Variants in SLC15A3 observed in about 807,000 individuals in gnomAD.
SLC15A3 encodes solute carrier family 15 member 3.
SLC15A3 carries 39 observed loss-of-function variants against 49.2 expected under a neutral mutation model. That is an observed-to-expected ratio of 0.79 (90% CI 0.61 to 1.04). The LOEUF is 1.04. SLC15A3 is among the 50% of genes least tolerant of loss of function. The pLI, the probability that SLC15A3 is intolerant of heterozygous loss-of-function variation, is 0.00. For missense variants in SLC15A3, 758 were observed against 794.8 expected (o/e 0.95, Z 0.56); for synonymous variants, 339 against 367.0 (o/e 0.92, Z 0.87).
rs552824684 is a variant in SLC15A3 at position 60,944,031 on chromosome 11, C to T, written c.849-195G>A. On this transcript the variant is annotated intron_variant, in intron 2 of 7. Coordinates refer to ENST00000227880, the MANE Select transcript of SLC15A3 (RefSeq NM_016582.3). ...AAATTAGCCAGGCTGTTTTGGCGTG[C>T]ACCTGTAGTCCCAGTTATTTGGGAG... Among the ~76,000 whole-genome samples the T allele has an allele frequency of 2.6e-5, 4 of 152,308 alleles. 1 individual carries two copies. The South Asian group carries it at 6.2e-4, about 24-fold the overall frequency.
chr11:60,950,940 C>T (rs1693921542), intron 1 of SLC15A3, 54 bp downstream of exon 1: 2 of 1,386,156 alleles, frequency 1.4e-6, no homozygotes, highest in African/African-American at 1.5e-5. Context: ...GGGGCCAGCC[C>T]TCCTTCCCTC....
At chr11:60,939,757 G>C (rs1311216971) in intron 5 of SLC15A3, 119 bp from the exon 6 acceptor site, 2 of 1,219,530 alleles carry the variant, frequency 1.6e-6, no homozygotes, top group East Asian at 5.0e-5. Context: ...TGAGCAGCAG[G>C]CAAGGAAAAG....
In SLC15A3 at chr11:60,951,656, TG is replaced by T. The variant is rs1490916293; in HGVS notation, c.-106del. On this transcript the variant is annotated 5_prime_UTR_variant, in exon 1 of 8. Coordinates refer to ENST00000227880, the MANE Select transcript of SLC15A3 (RefSeq NM_016582.3). ...GCCTCGGCCCTCTCCCCCACCCAACTGGCTGGCCCTCCTTTCTCACCGCTTT... is the reference window on the plus strand; with the variant it reads ...GCCTCGGCCCTCTCCCCCACCCAACTGCTGGCCCTCCTTTCTCACCGCTTT... 1.3e-5 allele frequency: 11 copies of T among 846,948 alleles called. No homozygotes were observed. Among genetic ancestry groups the T allele is most frequent in the Non-Finnish European group, 1.5e-5 (11 of 718,258 alleles). 52.5% of individuals were successfully genotyped at this position (846,948 alleles called of 1,614,324 possible). A position where few individuals can be genotyped will look rare whatever the true frequency, so the allele number is the denominator to read the frequency against.
In SLC15A3 at chr11:60,943,683, G is replaced by T; in HGVS notation, c.996+6C>A. On this transcript the variant is annotated splice_donor_region_variant and intron_variant, in intron 3 of 7. Transcript: ENST00000227880. ...GCCCCCAGAGAAAAAGGGCAGGTAT[G>T]CTCACCTGGAAGTAGACCATCCAGT... 1 of 1,533,636 alleles carries T rather than the reference G, an allele frequency of 6.5e-7. No homozygotes were observed. Among genetic ancestry groups the T allele is most frequent in the Non-Finnish European group, 8.8e-7 (1 of 1,134,786 alleles).
At position 60,943,706 on chromosome 11, in the gene SLC15A3, A is replaced by G. The variant is rs372172597; in HGVS notation, c.979T>C (p.Trp327Arg). 1.9e-6 allele frequency: 3 copies of G among 1,591,978 alleles called. No homozygotes were observed. Among genetic ancestry groups the G allele is most frequent in the Non-Finnish European group, 2.6e-6 (3 of 1,167,558 alleles). ...LPVMVTLVPY[W>R]MVYFQMQSTY... The stretch of plus-strand genomic sequence containing the variant: ...ATGCTCACCTGGAAGTAGACCATCC[A>G]GTAGGGCACCAGGGTCACCATGACG... Residue 327 changes from tryptophan (W) to arginine (R), a missense_variant, in exon 3 of 8, where the codon TGG becomes CGG. Around this residue, in one of 3 missense-constraint regions of SLC15A3, gnomAD observed 699 missense variants for 706.7 expected, o/e 0.99. Coordinates refer to ENST00000227880, the MANE Select transcript of SLC15A3 (RefSeq NM_016582.3).
At chr11:60,949,483 AGGAAGAAAGAAAGAAAGAAG>A (rs1856861697) in intron 1 of SLC15A3, among the ~76,000 whole-genome samples, 1 of 146,092 alleles carries the variant, frequency 6.8e-6, no homozygotes, top group Non-Finnish European at 1.5e-5. Flanking sequence ...AGAGAAAGAA[AGGAAGAAAGAAAGAAAGAAG>A]GAAAGAAAGA....
chr11:60,951,313 A>G lies in SLC15A3; in HGVS notation c.239T>C (p.Leu80Pro). The change falls in exon 1 of 8, where the codon CTG (leucine) becomes CCG (proline). Residue 80 changes from leucine to proline, a missense_variant. Around this residue, in one of 3 missense-constraint regions of SLC15A3, gnomAD observed 699 missense variants for 706.7 expected, o/e 0.99. Transcript: ENST00000227880. Reference sequence around the variant, plus strand: ...GGGCGCCAGCAGGTAGGAGGCGCCCAGGAATACCAGCGCGGCGCGCGTCGC... The same window carrying G: ...GGGCGCCAGCAGGTAGGAGGCGCCCGGGAATACCAGCGCGGCGCGCGTCGC... ...EQATRAALVF[L>P]GASYLLAPVG... 1 of 1,530,306 alleles carries G rather than the reference A, an allele frequency of 6.5e-7. No individual in the cohort carries two copies. The highest frequency in any genetic ancestry group is 8.8e-7 in the Non-Finnish European group (1 of 1,141,396). The allele number at this position is 1,530,306 out of a possible 1,614,324, so 94.8% of individuals were successfully genotyped here.
chr11:60,946,613 G>C lies in SLC15A3; in HGVS notation c.767C>G (p.Pro256Arg). 1 of 1,613,550 alleles carries C rather than the reference G, an allele frequency of 6.2e-7. No homozygotes were observed. The highest frequency in any genetic ancestry group is 8.5e-7 in the Non-Finnish European group (1 of 1,179,570). ...FATPVFITKP[P>R]MGSQVSSMLK... ...CATAGAGGACACTTGGCTGCCCATC[G>C]GGGGCTTGGTGATGAAGACGGGGGT... Residue 256 changes from proline (P) to arginine (R), a missense_variant, in exon 2 of 8, where the codon CCG becomes CGG. By Grantham distance (103) the Pro-to-Arg change is moderately radical (BLOSUM62 -2). Transcript: ENST00000227880.
At chr11:60,946,453 A>C (rs1239317248) in intron 2 of SLC15A3, 79 bp downstream of exon 2, 1 of 1,467,654 alleles carries the variant, frequency 6.8e-7, no homozygotes, top group South Asian at 1.4e-5. Context: ...AATGTCTGCA[A>C]CCTGGACCAT....
chr11:60,941,896 C>G (rs1856714313), intron 4 of SLC15A3, 139 bp downstream of exon 4: 1 of 812,060 alleles, frequency 1.2e-6, no homozygotes, highest in African/African-American at 1.7e-5. Context: ...TCCTCCCACC[C>G]TCCAGGTGCT....
In SLC15A3 at chr11:60,937,931, G is replaced by T; in HGVS notation, c.1530C>A (p.Gly510=). The change falls in exon 7 of 8, where the codon GGC becomes GGA. Residue 510 remains glycine (G), a synonymous_variant. Coordinates refer to ENST00000227880, the MANE Select transcript of SLC15A3 (RefSeq NM_016582.3). ...FCLSGVGSLL[G]SSLVALLSLP... ...AGGACAGCAGTGCCACTAGGCTGGA[G>T]CCCAACAGTGAGCCCACCCCCGACA... is the stretch of plus-strand genomic sequence containing the variant. 6.2e-7 allele frequency: 1 copy of T among 1,614,196 alleles called. No individual in the cohort carries two copies. The highest frequency in any genetic ancestry group is 8.5e-7 in the Non-Finnish European group (1 of 1,180,006).
chr11:60,945,490 G>A lies in SLC15A3; in HGVS notation c.848+1042C>T, dbSNP rs1373859879. ...GCTCTGGTGTGGTTTGTTAGGCAGC[G>A]ATAGGTAATGAAAACCACCACACTT... On this transcript the variant is annotated intron_variant, in intron 2 of 7. Coordinates refer to ENST00000227880, the MANE Select transcript of SLC15A3 (RefSeq NM_016582.3). 3.3e-5 allele frequency among the ~76,000 whole-genome samples: 5 copies of A among 152,202 alleles called. No individual in the cohort carries two copies. The East Asian group carries it at 5.8e-4, about 18-fold the overall frequency.
intron 2 of SLC15A3, 30 bp from the exon 3 acceptor site, chr11:60,943,866 C>T (rs1856761657): frequency 6.7e-7 from 1 of 1,490,274 alleles, no homozygotes; most frequent in Non-Finnish European, 9.0e-7. Flanking sequence ...GCAGATAAAA[C>T]AACAGTCAAG....
rs766179734 is a variant in SLC15A3, at chr11:60,951,135, C to G, written c.417G>C (p.Leu139=). The change falls in exon 1 of 8, where the codon CTG becomes CTC. Residue 139 remains leucine (L), a synonymous_variant. Transcript: ENST00000227880. ...AGCCGGCCGAGGGGCAGGCAGGTCC[C>G]AGCGGCGACGCGGGCATCTCTCCGC... ...SFCGEMPASP[L]GPACPSAGCP... 4.0e-6 allele frequency: 6 copies of G among 1,486,522 alleles called. No homozygotes were observed. The highest frequency in any genetic ancestry group is 5.3e-6 in the Non-Finnish European group (6 of 1,127,504). The allele number at this position is 1,486,522 out of a possible 1,614,324, so 92.1% of individuals were successfully genotyped here. A position where few individuals can be genotyped will look rare whatever the true frequency, so the allele number is the denominator to read the frequency against.
At position 60,951,009 on chromosome 11, in the gene SLC15A3, G is replaced by A; in HGVS notation, c.543C>T (p.Ser181=). Reference sequence around the variant, plus strand: ...TGCCACTCACCTGGTCGGCACCGAAGGAGGTGAGGTTGCTCCGGACGGAGC... The same window carrying A: ...TGCCACTCACCTGGTCGGCACCGAAAGAGGTGAGGTTGCTCCGGACGGAGC... ...AASSVRSNLT[S]FGADQVMDLG... is the part of the protein sequence containing the mutation. The change falls in exon 1 of 8, where the codon TCC becomes TCT. Residue 181 remains serine (S), a synonymous_variant. Transcript: ENST00000227880. 6.7e-7 allele frequency: 1 copy of A among 1,484,490 alleles called. No homozygotes were observed. The highest frequency in any genetic ancestry group is 1.3e-5 in the South Asian group (1 of 77,582). The allele number at this position is 1,484,490 out of a possible 1,614,324, so 92.0% of individuals were successfully genotyped here.
chr11:60,950,946 C>T, intron 1 of SLC15A3, 48 bp downstream of exon 1: 2 of 1,389,932 alleles, frequency 1.4e-6, no homozygotes, highest in South Asian at 1.6e-5. Flanking sequence ...AGCCCTCCTT[C>T]CCTCCACACC....
chr11:60,948,482 G>T (rs987045438), intron 1 of SLC15A3, among the ~76,000 whole-genome samples: 5 of 152,286 alleles, frequency 3.3e-5, no homozygotes, highest in Admixed American at 2.6e-4. Context: ...GCAGCTCCTG[G>T]GGTATAGCTG....
Position 60,951,817 on chromosome 11 carries a change from C to G in SLC15A3, c.-266G>C, listed in dbSNP as rs185608263. On this transcript the variant is annotated 5_prime_UTR_variant, in exon 1 of 8. Transcript: ENST00000227880. The stretch of plus-strand genomic sequence containing the variant: ...CCTTCCCCCACCCCTAAGGCTTCCT[C>G]CCCGCGCCTCTCCTGCAGCTGTTTC... The G allele has an allele frequency of 5.6e-6, 1 of 179,210 alleles. No individual in the cohort carries two copies. The highest frequency in any genetic ancestry group is 2.0e-4 in the South Asian group (1 of 5,096). 11.1% of individuals were successfully genotyped at this position (179,210 alleles called of 1,614,324 possible). A position where few individuals can be genotyped will look rare whatever the true frequency, so the allele number is the denominator to read the frequency against.
At position 60,942,088 on chromosome 11, in the gene SLC15A3, C is replaced by G. The variant is rs1404086503; in HGVS notation, c.1054G>C (p.Ala352Pro). The G allele has an allele frequency of 6.2e-7, 1 of 1,613,972 alleles. No individual in the cohort carries two copies. The highest frequency in any genetic ancestry group is 1.3e-5 in the African/African-American group (1 of 74,896). Residue 352 changes from alanine to proline, a missense_variant, in exon 4 of 8, where the codon GCC (alanine) becomes CCC (proline). By Grantham distance (27) the Ala-to-Pro change is conservative (BLOSUM62 -1). Around this residue, in one of 3 missense-constraint regions of SLC15A3, gnomAD observed 699 missense variants for 706.7 expected, o/e 0.99. Coordinates refer to ENST00000227880, the MANE Select transcript of SLC15A3 (RefSeq NM_016582.3). ...GCCACAGAGATGTTGGCCGGGTTGG[C>G]TGGGAAAATGTTTGGGATGTGGAGG... ...LHLHIPNIFP[A>P]NPANISVALR...
Sources: gnomAD v4.1 joint callset for allele counts (sites outside exome capture counted in the v4.1 genomes callset) on GRCh38, gnomAD v4.1.1 for gene constraint, gnomAD v4.1.1 regional missense constraint, MANE v1.5 for transcripts, NCBI Gene and HGNC (gene_info 2026-07-23, HGNC 2026-07-21) for gene names.